The following EHMT1 variants were observed in gnomAD, a reference collection of about 807,000 sequenced individuals.
EHMT1 encodes the protein histone-lysine N-methyltransferase EHMT1.
Under a neutral mutation model 147.2 loss-of-function variants are expected in EHMT1, and 15 were observed. That is an observed-to-expected ratio of 0.10 (90% CI 0.07 to 0.16). The LOEUF (loss-of-function observed/expected upper bound fraction) is 0.16. Among genes scored for constraint, EHMT1 ranks in the 10% least tolerant of loss-of-function variants. EHMT1 has a pLI of 1.00. For synonymous variants in EHMT1, 795 were observed against 709.6 expected, an observed-to-expected ratio of 1.12 and a Z score of -1.91; for missense variants, 1,587 against 1,772.4, an observed-to-expected ratio of 0.90 and a Z score of 1.88.
Position 137,828,005 on chromosome 9 carries a change from G to A in EHMT1, c.3541-6344G>A, listed in dbSNP as rs1955931149. 6.6e-6 allele frequency among the ~76,000 whole-genome samples: 1 copy of A among 152,188 alleles called. No homozygotes were observed. Among genetic ancestry groups the A allele is most frequent in the Admixed American group, 6.5e-5 (1 of 15,290 alleles). On this transcript the variant is annotated intron_variant, in intron 25 of 26. Transcript: ENST00000460843. This position sits in a 1 kb window ranked among gnomAD's most constrained non-coding sequence, Gnocchi z 5.3. ...GGGAGGCCGTGCCCCTGTGTGAAGG[G>A]GCTCCTTGTGCCAGCCGACAGGGTG...
At chr9:137,805,604 C>T (rs12336236) in intron 18 of EHMT1, among the ~76,000 whole-genome samples, 21,689 of 152,090 alleles carry the variant, frequency 0.14, 5,054 homozygotes, top group African/African-American at 0.49. Flanking sequence ...ATATTTTACA[C>T]ATATATATGT....
chr9:137,805,065 A>G (rs1364808330), intron 18 of EHMT1, among the ~76,000 whole-genome samples: 1 of 150,454 alleles, frequency 6.6e-6, no homozygotes, highest in South Asian at 2.1e-4. Flanking sequence ...GTCAGTCCAC[A>G]TGTCTGTCAG....
At chr9:137,729,967 T>G (rs1217787519) in intron 4 of EHMT1, among the ~76,000 whole-genome samples, 1 of 152,210 alleles carries the variant, frequency 6.6e-6, no homozygotes, top group Non-Finnish European at 1.5e-5. Context: ...GTTCTAGAGC[T>G]TCGAGCACCT....
At chr9:137,814,273 C>T in intron 21 of EHMT1, 158 bp from the exon 22 acceptor site, 2 of 774,426 alleles carry the variant, frequency 2.6e-6, no homozygotes, top group Non-Finnish European at 4.5e-6. Context: ...TTTCTGCCTG[C>T]ACAGCCTTCT....
At chr9:137,631,810 C>T (rs1843648860) in intron 1 of EHMT1, among the ~76,000 whole-genome samples, 1 of 151,992 alleles carries the variant, frequency 6.6e-6, no homozygotes, top group African/African-American at 2.4e-5. Context: ...ACCAGGAGGT[C>T]AAGGCTGCAG....
At chr9:137,651,724 A>G (rs184262052) in intron 1 of EHMT1, among the ~76,000 whole-genome samples, 1,624 of 152,192 alleles carry the variant, frequency 0.011, 12 homozygotes, top group Non-Finnish European at 0.015. Flanking sequence ...GAACCTGGGA[A>G]GTGGAAGTTG....
Position 137,817,514 on chromosome 9 carries a change from C to T in EHMT1, c.3450C>T (p.Thr1150=). Residue 1150 remains threonine, a synonymous_variant, in exon 24 of 27, where the codon ACC becomes ACT. Coordinates refer to ENST00000460843, the MANE Select transcript of EHMT1 (RefSeq NM_024757.5). The part of the protein sequence containing the change: ...VRSLQDIPPG[T]FVCEYVGELI... ...CCCTGCAGGACATCCCACCAGGCAC[C>T]TTTGTCTGCGAGTGAGTGAGTCCCT... 6.2e-7 allele frequency: 1 copy of T among 1,614,208 alleles called. No individual in the cohort carries two copies. The highest frequency in any genetic ancestry group is 8.5e-7 in the Non-Finnish European group (1 of 1,180,040).
intron 1 of EHMT1, among the ~76,000 whole-genome samples, chr9:137,686,980 C>T (rs952203573): frequency 5.9e-5 from 9 of 152,126 alleles, no homozygotes; most frequent in African/African-American, 1.2e-4. Context: ...CCACCCGCCT[C>T]GGCCTCCCAA....
At chr9:137,767,378 G>A (rs111915167) in intron 10 of EHMT1, among the ~76,000 whole-genome samples, 3 of 152,236 alleles carry the variant, frequency 2.0e-5, no homozygotes, top group Admixed American at 6.5e-5. Context: ...TTGATGTACC[G>A]TATCTATGAA....
intron 6 of EHMT1, among the ~76,000 whole-genome samples, chr9:137,748,936 A>G (rs1211002756): frequency 1.3e-5 from 2 of 152,152 alleles, no homozygotes; most frequent in East Asian, 3.9e-4. Flanking sequence ...CTCAGAAGCC[A>G]CTTGCCAGAA....
intron 18 of EHMT1, among the ~76,000 whole-genome samples, chr9:137,805,919 C>A (rs1953908957): frequency 6.6e-6 from 1 of 151,638 alleles, no homozygotes; most frequent in Non-Finnish European, 1.5e-5. Context: ...CCTTGGCCTC[C>A]CATAGTGCTG....
chr9:137,773,927 A>G (rs1185926291), intron 10 of EHMT1, among the ~76,000 whole-genome samples: 3 of 152,138 alleles, frequency 2.0e-5, no homozygotes, highest in African/African-American at 7.2e-5. Context: ...GCAAACCTGT[A>G]AGGCTTTGTC....
intron 1 of EHMT1, among the ~76,000 whole-genome samples, chr9:137,668,335 A>C: frequency 6.9e-6 from 1 of 144,170 alleles, no homozygotes; most frequent in Admixed American, 7.0e-5. Flanking sequence ...CCCACCACTC[A>C]CCCACCCACC....
At chr9:137,822,248 C>A (rs1316586852) in intron 25 of EHMT1, among the ~76,000 whole-genome samples, 1 of 152,244 alleles carries the variant, frequency 6.6e-6, no homozygotes, top group Non-Finnish European at 1.5e-5. Flanking sequence ...CGGTGACCCA[C>A]CTGGCCTCCC....
chr9:137,798,730 G>A lies in EHMT1; in HGVS notation c.2506-83G>A, dbSNP rs564019515. On this transcript the variant is annotated intron_variant, in intron 16 of 26. Transcript: ENST00000460843. ...TACCCCACCCGCATGGTAGACACCG[G>A]GTTCTCCTGGATCCCGCACTCAGGG... 12 of 1,133,168 alleles carry A rather than the reference G, an allele frequency of 1.1e-5. No individual in the cohort carries two copies. In the African/African-American group the frequency reaches 1.7e-4, roughly 16 times the overall value. The allele number at this position is 1,133,168 out of a possible 1,614,324, so 70.2% of individuals were successfully genotyped here. A position where few individuals can be genotyped will look rare whatever the true frequency, so the allele number is the denominator to read the frequency against.
At chr9:137,825,764 G>A (rs1353563340) in intron 25 of EHMT1, among the ~76,000 whole-genome samples, 1 of 152,162 alleles carries the variant, frequency 6.6e-6, no homozygotes, top group Non-Finnish European at 1.5e-5. Flanking sequence ...TTTTGTGTGT[G>A]TGTGCCCGTG....
intron 22 of EHMT1, chr9:137,815,449 A>G (rs573990047): frequency 8.8e-6 from 2 of 227,080 alleles, no homozygotes; most frequent in East Asian, 2.1e-4. Flanking sequence ...GCCTCAGCTC[A>G]CACAGCCCTG....
intron 6 of EHMT1, among the ~76,000 whole-genome samples, chr9:137,744,587 G>A (rs1948393969): frequency 1.3e-5 from 2 of 152,182 alleles, no homozygotes; most frequent in African/African-American, 4.8e-5. Context: ...CCCAGTGTTG[G>A]GAATACAGCC....
chr9:137,691,876 C>G (rs553001928), intron 1 of EHMT1, among the ~76,000 whole-genome samples: 11 of 152,298 alleles, frequency 7.2e-5, no homozygotes, highest in African/African-American at 2.6e-4. Flanking sequence ...CGCCCTGTCT[C>G]CCCTGGGCAG....
Sources: gnomAD v4.1 joint callset for allele counts (sites outside exome capture counted in the v4.1 genomes callset) on GRCh38, gnomAD v4.1.1 for gene constraint, Gnocchi (gnomAD v3.1) non-coding constraint, MANE v1.5 for transcripts, NCBI Gene and HGNC (gene_info 2026-07-23, HGNC 2026-07-21) for gene names.